MARCHF2: variants seen among roughly 807,000 people sequenced by gnomAD.
The protein encoded by MARCHF2 is membrane associated ring-CH-type finger 2, also known as E3 ubiquitin-protein ligase MARCHF2.
In MARCHF2, 22 loss-of-function variants were observed where a neutral mutation model predicts 24.0. The observed-to-expected ratio is 0.92, with a 90% confidence interval of 0.66 to 1.31. The LOEUF (loss-of-function observed/expected upper bound fraction) is 1.31, where lower values mean the gene tolerates loss of function less well. MARCHF2 is among the 50% of genes most tolerant of loss of function. The pLI is 0.00. For synonymous variants in MARCHF2, 154 were observed against 153.0 expected (o/e 1.01, Z -0.05); for missense variants, 301 against 335.3 (o/e 0.90, Z 0.80).
chr19:8,433,076 G>A (rs1306154268), intron 4 of MARCHF2, among the ~76,000 whole-genome samples: 1 of 151,808 alleles, frequency 6.6e-6, no homozygotes, highest in Non-Finnish European at 1.5e-5. Context: ...AAAGTTTGTC[G>A]GCCGTGGTGG....
chr19:8,430,118 C>T lies in MARCHF2; in HGVS notation c.373-540C>T, dbSNP rs375973481. Among the ~76,000 whole-genome samples the T allele has an allele frequency of 1.6e-4, 25 of 152,192 alleles. No individual in the cohort carries two copies. The highest frequency in any genetic ancestry group is 5.3e-4 in the African/African-American group (22 of 41,546). On this transcript the variant is annotated intron_variant, in intron 3 of 4. Coordinates refer to ENST00000215555, the MANE Select transcript of MARCHF2 (RefSeq NM_001005415.2). The surrounding 1 kb of genome is among the most constrained non-coding windows in gnomAD (Gnocchi z 4.4). ...GTGGCTCACACCTGTAATCCCAGAA[C>T]TTTGGAAGGCCGAGGTGGGCAGATC...
intron 3 of MARCHF2, among the ~76,000 whole-genome samples, chr19:8,428,551 G>A (rs908734720): frequency 2.7e-5 from 4 of 148,534 alleles, no homozygotes; most frequent in East Asian, 2.0e-4. Context: ...TTGGGAGGCT[G>A]AGGCAGGAGA....
At position 8,426,804 on chromosome 19, in the gene MARCHF2, G is replaced by A; in HGVS notation, c.372G>A (p.Glu124=). 1 of 1,611,864 alleles carries A rather than the reference G, an allele frequency of 6.2e-7. No individual in the cohort carries two copies. Among genetic ancestry groups the A allele is most frequent in the Non-Finnish European group, 8.5e-7 (1 of 1,179,852 alleles). ...AVEKRPRPLT[E]WLKDPGPRTE... ...AGAAACGGCCTCGACCCCTCACAGAGGTACCCTTAAGAGTCTGAGACTGCG... is the reference window on the plus strand; with the variant it reads ...AGAAACGGCCTCGACCCCTCACAGAAGTACCCTTAAGAGTCTGAGACTGCG... The change falls in exon 3 of 5, where the codon GAG becomes GAA. Residue 124 remains glutamate (E), a splice_region_variant and synonymous_variant. Transcript: ENST00000215555.
rs1370549230 is a variant in MARCHF2 at position 8,417,782 on chromosome 19, G to A, written c.-52-4007G>A. 3.9e-3 allele frequency among the ~76,000 whole-genome samples: 148 copies of A among 38,440 alleles called. 3 individuals are homozygous for A. The highest frequency in any genetic ancestry group is 0.014 in the Admixed American group (37 of 2,678). 25.2% of individuals were successfully genotyped at this position (38,440 alleles called of 152,430 possible). A position where few individuals can be genotyped will look rare whatever the true frequency, so the allele number is the denominator to read the frequency against. ...TTTTTTTTTTTTTTTTTTTTTTTGA[G>A]AAAGAATTTCACTCTTGTTGCCCAG... On this transcript the variant is annotated intron_variant, in intron 1 of 4. Coordinates refer to ENST00000215555, the MANE Select transcript of MARCHF2 (RefSeq NM_001005415.2).
chr19:8,433,710 A>G (rs988778519), intron 4 of MARCHF2, among the ~76,000 whole-genome samples: 2 of 150,480 alleles, frequency 1.3e-5, no homozygotes, highest in Non-Finnish European at 3.0e-5. Context: ...AAAAGAAAAG[A>G]AAAATTAGCC....
At chr19:8,437,061 C>T (rs1029915854) in intron 4 of MARCHF2, among the ~76,000 whole-genome samples, 10 of 150,596 alleles carry the variant, frequency 6.6e-5, no homozygotes, top group African/African-American at 2.4e-4. Context: ...CTTGCTGCAG[C>T]GTCAACCTCC....
intron 4 of MARCHF2, among the ~76,000 whole-genome samples, chr19:8,434,381 G>C (rs1326324722): frequency 6.6e-6 from 1 of 151,730 alleles, no homozygotes; most frequent in Non-Finnish European, 1.5e-5. Context: ...ATCGCGCCCT[G>C]CCCCTACCAG....
In MARCHF2 at chr19:8,426,614, G is replaced by A. The variant is rs772028714; in HGVS notation, c.182G>A (p.Gly61Asp). ...VIRALDTPSD[G>D]PFCRICHEGA... ...GGTCCTATCTCTGTGTCCAGTGATG[G>A]TCCTTTCTGCCGGATCTGCCATGAG... Residue 61 changes from glycine to aspartate, a missense_variant, in exon 3 of 5, where the codon GGT becomes GAT. Physicochemically the swap from Gly to Asp is moderately conservative, Grantham distance 94. Coordinates refer to ENST00000215555, the MANE Select transcript of MARCHF2 (RefSeq NM_001005415.2). The A allele has an allele frequency of 1.2e-5, 19 of 1,613,670 alleles. 1 individual carries two copies. The South Asian group carries it at 1.8e-4, about 15-fold the overall frequency.
chr19:8,419,816 A>G (rs535370906), intron 1 of MARCHF2, among the ~76,000 whole-genome samples: 3 of 133,300 alleles, frequency 2.3e-5, no homozygotes, highest in Admixed American at 7.3e-5. Flanking sequence ...ACTCCGTCTC[A>G]AAAAAAAAAT....
chr19:8,415,548 G>A (rs569269373), intron 1 of MARCHF2, among the ~76,000 whole-genome samples: 6 of 151,148 alleles, frequency 4.0e-5, no homozygotes, highest in South Asian at 2.1e-4. Context: ...GTGAAACCCC[G>A]TCTCTACTAA....
intron 1 of MARCHF2, among the ~76,000 whole-genome samples, chr19:8,417,348 G>A (rs1013138922): frequency 2.0e-5 from 3 of 152,182 alleles, no homozygotes; most frequent in African/African-American, 7.2e-5. Context: ...ACAGGCTGAA[G>A]CAGGAGAATT....
chr19:8,426,230 CAAAAAAAA>C (rs71175854), intron 2 of MARCHF2, among the ~76,000 whole-genome samples: 1 of 43,296 alleles, frequency 2.3e-5, no homozygotes, highest in South Asian at 9.7e-4. Flanking sequence ...GACTCTGTCT[CAAAAAAAA>C]AAAAAAAAAA....
chr19:8,435,730 G>C (rs944043197), intron 4 of MARCHF2, among the ~76,000 whole-genome samples: 3 of 150,604 alleles, frequency 2.0e-5, no homozygotes, highest in African/African-American at 7.3e-5. Context: ...TGTAGAGACA[G>C]TGTTTTGCTA....
chr19:8,422,159 C>T (rs576991327), intron 2 of MARCHF2, 143 bp downstream of exon 2: 37 of 872,536 alleles, frequency 4.2e-5, no homozygotes, highest in Admixed American at 7.0e-5. Context: ...AAACAGTTAT[C>T]GCCTTGTGGA....
chr19:8,425,146 C>T (rs1046760813), intron 2 of MARCHF2, among the ~76,000 whole-genome samples: 1 of 151,810 alleles, frequency 6.6e-6, no homozygotes, highest in Non-Finnish European at 1.5e-5. Context: ...GAGGCTGAGG[C>T]GGGCAGATCA....
At chr19:8,427,390 T>C (rs1399983985) in intron 3 of MARCHF2, among the ~76,000 whole-genome samples, 2 of 151,690 alleles carry the variant, frequency 1.3e-5, no homozygotes, top group Admixed American at 1.3e-4. Flanking sequence ...ACCTCCAGCA[T>C]GCCCAGCACT....
chr19:8,418,059 C>T (rs764016100), intron 1 of MARCHF2, among the ~76,000 whole-genome samples: 4 of 151,840 alleles, frequency 2.6e-5, no homozygotes, highest in East Asian at 3.9e-4. Context: ...TCACCACGCC[C>T]GGCCAAGACC....
At chr19:8,420,678 C>T (rs1967213370) in intron 1 of MARCHF2, among the ~76,000 whole-genome samples, 1 of 151,940 alleles carries the variant, frequency 6.6e-6, no homozygotes, top group Non-Finnish European at 1.5e-5. Context: ...GAGACAGGTT[C>T]TCACTCTGTG....
chr19:8,433,743 A>G (rs993038986), intron 4 of MARCHF2, among the ~76,000 whole-genome samples: 19 of 151,986 alleles, frequency 1.3e-4, no homozygotes, highest in Non-Finnish European at 2.6e-4. Context: ...ACATGCCAGT[A>G]ATCCTAGCTA....
Sources: gnomAD v4.1 joint callset for allele counts (sites outside exome capture counted in the v4.1 genomes callset) on GRCh38, gnomAD v4.1.1 for gene constraint, Gnocchi (gnomAD v3.1) non-coding constraint, MANE v1.5 for transcripts, NCBI Gene and HGNC (gene_info 2026-07-23, HGNC 2026-07-21) for gene names.